POLK: variants seen among roughly 807,000 people sequenced by gnomAD.
The protein encoded by POLK is polymerase (DNA directed) kappa.
A neutral mutation model predicts 94.0 loss-of-function variants in POLK; 76 were observed. The ratio of observed to expected loss-of-function variants is 0.81; its 90% confidence interval spans 0.67 to 0.98. The LOEUF (loss-of-function observed/expected upper bound fraction) is 0.98. Ranked by LOEUF, POLK falls within the 50% of genes least tolerant of loss-of-function variation. POLK has a pLI of 0.00. For synonymous variants in POLK, 349 were observed against 325.4 expected (o/e 1.07, Z -0.78); for missense variants, 954 against 1,010.1 (o/e 0.94, Z 0.75).
chr5:75,512,067 CG>C, intron 1 of POLK, 153 bp downstream of exon 1: 2 of 353,742 alleles, frequency 5.7e-6, no homozygotes, highest in Non-Finnish European at 1.0e-5. Context: ...CGGGCCCAGA[CG>C]TGAGAGAGCT....
upstream of POLK, chr5:75,511,173 G>C (rs757060636): frequency 6.2e-7 from 1 of 1,612,400 alleles, no homozygotes; most frequent in Non-Finnish European, 8.5e-7. Context: ...ATCCTCCTCC[G>C]AGCCCGACGA....
chr5:75,515,907 A>T lies in POLK; in HGVS notation c.-14+3993A>T, dbSNP rs190492830. Among the ~76,000 whole-genome samples, 121 of 152,166 alleles carry T rather than the reference A, an allele frequency of 8.0e-4. 2 individuals are homozygous for T. In the East Asian group the frequency reaches 0.021, roughly 26 times the overall value. On this transcript the variant is annotated intron_variant, in intron 1 of 14. Coordinates refer to ENST00000241436, the Ensembl canonical transcript of POLK. ...CCTCGTCTCTAGTATAATAAAAAAA[A>T]TTTTTTTTAAGCCATTTTGACTGGG...
chr5:75,582,632 G>A (rs1453625683), intron 7 of POLK: 1 of 151,990 alleles, frequency 6.6e-6, no homozygotes, highest in East Asian at 1.9e-4. Context: ...TCTTTTCTTA[G>A]AGATAGATAT....
chr5:75,543,619 G>C (rs549973926), intron 1 of POLK, among the ~76,000 whole-genome samples: 1 of 152,276 alleles, frequency 6.6e-6, no homozygotes, highest in African/African-American at 2.4e-5. Context: ...TTTGACTGGT[G>C]CTATAAACCT....
In POLK at chr5:75,596,784, AGTAGATT is replaced by A; in HGVS notation, c.2095_2101del (p.Asp699Ter). On this transcript the variant is annotated frameshift_variant, in exon 13 of 15. Transcript: ENST00000241436. LOFTEE classifies it high-confidence loss of function. ...ATCCAAAAATTAAAGAAATATCTTC[AGTAGATT>A]GTATAGCTTTAGTAGATACTATAGA... The A allele has an allele frequency of 6.2e-7, 1 of 1,612,182 alleles. No homozygotes were observed. Among genetic ancestry groups the A allele is most frequent in the Non-Finnish European group, 8.5e-7 (1 of 1,179,128 alleles).
chr5:75,522,269 A>T (rs1006116504), intron 1 of POLK, among the ~76,000 whole-genome samples: 6 of 152,122 alleles, frequency 3.9e-5, no homozygotes, highest in Non-Finnish European at 4.4e-5. Flanking sequence ...GGTTGTGGGG[A>T]GGGGTGTCAT....
At chr5:75,584,632 C>T (rs1039016508) in intron 8 of POLK, 128 bp from the exon 9 acceptor site, 13 of 587,044 alleles carry the variant, frequency 2.2e-5, no homozygotes, top group Admixed American at 3.5e-5. Flanking sequence ...CTTGGCACCA[C>T]TGTACTCCAG....
At chr5:75,549,343 T>G (rs1770217750) in intron 2 of POLK, among the ~76,000 whole-genome samples, 1 of 152,148 alleles carries the variant, frequency 6.6e-6, no homozygotes, top group South Asian at 2.1e-4. Context: ...GTGCTTTCTC[T>G]TCTGTTCCAC....
At chr5:75,528,247 T>C (rs1768968182) in intron 1 of POLK, among the ~76,000 whole-genome samples, 1 of 152,126 alleles carries the variant, frequency 6.6e-6, no homozygotes, top group Non-Finnish European at 1.5e-5. Context: ...TCCATAATTA[T>C]TTAAATAAAA....
intron 3 of POLK, among the ~76,000 whole-genome samples, chr5:75,565,341 G>A (rs148488247): frequency 0.011 from 1,655 of 152,144 alleles, 67 homozygotes; most frequent in Admixed American, 0.078. Flanking sequence ...CCTTTAGCTC[G>A]GAGGACTTTG....
exon 13 of POLK, chr5:75,596,648 T>A (rs753560316): frequency 1.2e-6 from 2 of 1,613,966 alleles, no homozygotes; most frequent in African/African-American, 2.7e-5. Context: ...GGACCTTCAA[T>A]CAGTGAAAAC....
At chr5:75,569,492 G>A in exon 4 of POLK, 1 of 1,603,520 alleles carries the variant, frequency 6.2e-7, no homozygotes, top group South Asian at 1.1e-5. Context: ...TGAGTATGCT[G>A]GTAAGTAAAG....
At chr5:75,543,015 T>TTATTTATG (rs1554054413) in intron 1 of POLK, among the ~76,000 whole-genome samples, 1 of 124,476 alleles carries the variant, frequency 8.0e-6, no homozygotes, top group African/African-American at 3.0e-5. Flanking sequence ...CCAGCCTTAT[T>TTATTTATG]TATTTATTTA....
At chr5:75,554,612 G>T (rs573606204) in intron 3 of POLK, among the ~76,000 whole-genome samples, 21 of 152,064 alleles carry the variant, frequency 1.4e-4, no homozygotes, top group African/African-American at 4.6e-4. Context: ...GGCATTAAGC[G>T]TAGTACCACT....
intron 14 of POLK, 35 bp downstream of exon 14, chr5:75,597,824 C>A: frequency 7.3e-7 from 1 of 1,365,584 alleles, no homozygotes; most frequent in Non-Finnish European, 9.9e-7. Context: ...AAGCTGGCTA[C>A]AATATGAAAA....
chr5:75,595,974 G>A (rs1406326571), intron 12 of POLK, among the ~76,000 whole-genome samples: 2 of 152,072 alleles, frequency 1.3e-5, no homozygotes, highest in African/African-American at 4.8e-5. Flanking sequence ...TTAATTTAAT[G>A]GTATTATGTG....
intron 1 of POLK, among the ~76,000 whole-genome samples, chr5:75,514,174 A>G (rs1002244686): frequency 2.0e-5 from 3 of 152,192 alleles, no homozygotes; most frequent in African/African-American, 7.2e-5. Flanking sequence ...CTGGGGTGCT[A>G]TAAAAGTAAG....
chr5:75,545,805 T>G (rs1769989004), intron 1 of POLK, among the ~76,000 whole-genome samples: 2 of 152,166 alleles, frequency 1.3e-5, no homozygotes, highest in Non-Finnish European at 2.9e-5. Context: ...GAAACGTAAG[T>G]TTTCTACTCA....
intron 1 of POLK, among the ~76,000 whole-genome samples, chr5:75,520,373 C>G (rs148549842): frequency 5.8e-4 from 89 of 152,192 alleles, no homozygotes; most frequent in African/African-American, 2.0e-3. Flanking sequence ...TATGTACTTA[C>G]CTTTACCAGA....
Sources: allele counts gnomAD v4.1 joint callset (sites outside exome capture counted in the v4.1 genomes callset), GRCh38; gene constraint gnomAD v4.1.1; transcripts MANE v1.5; gene names NCBI Gene and HGNC (gene_info 2026-07-23, HGNC 2026-07-21).